Variants in MRPL43 observed in about 807,000 individuals in gnomAD.
MRPL43 encodes the protein mitochondrial ribosomal protein L43, also known as large ribosomal subunit protein mL43.
In MRPL43, 9 loss-of-function variants were observed where a neutral mutation model predicts 12.7. The ratio of observed to expected loss-of-function variants is 0.71; its 90% CI spans 0.43 to 1.24. The LOEUF (loss-of-function observed/expected upper bound fraction) is 1.24. Ranked by LOEUF, MRPL43 falls within the 50% of genes most tolerant of loss-of-function variation. MRPL43 has a pLI of 0.00. For missense variants in MRPL43, 211 were observed against 229.2 expected, an observed-to-expected ratio of 0.92 and a Z score of 0.51; for synonymous variants, 116 against 96.4, an observed-to-expected ratio of 1.20 and a Z score of -1.19.
At chr10:100,978,133 G>T, downstream of MRPL43, 1 of 609,574 alleles carries the variant, frequency 1.6e-6, no homozygotes. Context: ...GAGGCCATAA[G>T]GTCATTCTCA....
At chr10:100,981,474 T>C, downstream of MRPL43, 1 of 1,614,176 alleles carries the variant, frequency 6.2e-7, no homozygotes, top group South Asian at 1.1e-5. Flanking sequence ...TATAGCCAAG[T>C]AGTGGATGAC....
chr10:100,984,313 C>G, downstream of MRPL43: 1 of 1,440,248 alleles, frequency 6.9e-7, no homozygotes, highest in Non-Finnish European at 9.1e-7. Flanking sequence ...TCAGTCTCCA[C>G]AGACCCACAT....
chr10:100,985,055 C>T (rs2133914138), downstream of MRPL43: 1 of 764,900 alleles, frequency 1.3e-6, no homozygotes, highest in East Asian at 2.8e-5. Context: ...AGGGAGATCC[C>T]CCTCCCATTT....
At chr10:100,981,013 G>A (rs747182765), downstream of MRPL43, 9 of 1,593,148 alleles carry the variant, frequency 5.6e-6, no homozygotes, top group South Asian at 9.1e-5. Flanking sequence ...AAGTGGTGGG[G>A]GGTGACAGTC....
chr10:100,983,417 G>C, downstream of MRPL43: 1 of 1,613,148 alleles, frequency 6.2e-7, no homozygotes, highest in Non-Finnish European at 8.5e-7. Flanking sequence ...ATGGGAGCAT[G>C]GGCCTGAGCG....
downstream of MRPL43, chr10:100,980,429 G>C (rs1564797081): frequency 7.0e-7 from 1 of 1,432,802 alleles, no homozygotes; most frequent in Non-Finnish European, 9.8e-7. Context: ...GACTAGTCTG[G>C]AGTTCCCAGT....
At chr10:100,983,730 C>T (rs542184127), downstream of MRPL43, 43 of 1,613,374 alleles carry the variant, frequency 2.7e-5, no homozygotes, top group Non-Finnish European at 3.3e-5. Context: ...GGAAGGCAGA[C>T]GAGGGCGCCG....
At chr10:100,983,939 T>C (rs2133906812), downstream of MRPL43, 1 of 1,333,798 alleles carries the variant, frequency 7.5e-7, no homozygotes, top group Non-Finnish European at 9.9e-7. Flanking sequence ...CGCCACCGGC[T>C]GAGCTGACCA....
Position 100,987,303 on chromosome 10 carries a change from C to G in MRPL43, c.131+10G>C, listed in dbSNP as rs771784901. 43 of 1,612,064 alleles carry G rather than the reference C, an allele frequency of 2.7e-5. No homozygotes were observed. Among genetic ancestry groups the G allele is most frequent in the Non-Finnish European group, 3.6e-5 (43 of 1,179,846 alleles). ...CCCCGACCCGCGCCTGCGCACTTCCCTTGGCTCACCTGGCGCCGCGAGACG... is the reference window on the plus strand; with the variant it reads ...CCCCGACCCGCGCCTGCGCACTTCCGTTGGCTCACCTGGCGCCGCGAGACG... On this transcript the variant is annotated intron_variant, in intron 1 of 2. Coordinates refer to ENST00000318364, the MANE Select transcript of MRPL43 (RefSeq NM_032112.3).
chr10:100,978,992 G>A (rs1389345205), downstream of MRPL43: 1 of 1,614,178 alleles, frequency 6.2e-7, no homozygotes, highest in Non-Finnish European at 8.5e-7. Flanking sequence ...CAGTCACCGT[G>A]TGGCCCGTGT....
At chr10:100,978,946 T>C (rs754499823), downstream of MRPL43, 22 of 1,614,052 alleles carry the variant, frequency 1.4e-5, no homozygotes, top group Admixed American at 3.7e-4. Context: ...AGCGTGCCAC[T>C]GAGGAGGGCT....
chr10:100,987,435 C>G lies in MRPL43; in HGVS notation c.9G>C (p.Ala3=). The change falls in exon 1 of 3, where the codon GCG becomes GCC. Residue 3 remains alanine (A), a synonymous_variant. Transcript: ENST00000318364. The part of the protein sequence containing the change: MT[A]RGTPSRFLAS... ...CCAAGAAGCGGCTCGGAGTCCCGCGCGCCGTCATAGCTACAGCTTGGAGGC... is the reference window on the plus strand; with the variant it reads ...CCAAGAAGCGGCTCGGAGTCCCGCGGGCCGTCATAGCTACAGCTTGGAGGC... The G allele has an allele frequency of 6.2e-7, 1 of 1,612,160 alleles. No homozygotes were observed.
At chr10:100,979,793 G>T (rs1030308587), downstream of MRPL43, 3 of 1,598,978 alleles carry the variant, frequency 1.9e-6, no homozygotes, top group African/African-American at 2.7e-5. Flanking sequence ...GCACGAGTTG[G>T]GGGGCAGGCT....
chr10:100,978,388 G>T, downstream of MRPL43: 2 of 1,612,302 alleles, frequency 1.2e-6, no homozygotes, highest in South Asian at 1.1e-5. Context: ...CCTCATCATT[G>T]GTGAGCAGGC....
downstream of MRPL43, chr10:100,984,704 T>C (rs1348931588): frequency 2.0e-6 from 3 of 1,536,184 alleles, no homozygotes; most frequent in East Asian, 7.3e-5. Context: ...CTTCTGGACT[T>C]GGGGTACCCT....
chr10:100,978,111 A>G (rs1006052418), downstream of MRPL43: 1 of 595,592 alleles, frequency 1.7e-6, no homozygotes, highest in Admixed American at 3.0e-5. Flanking sequence ...AACTCCAAAC[A>G]TACATTGTTT....
At chr10:100,979,876 C>T (rs369063086), downstream of MRPL43, 29 of 1,613,856 alleles carry the variant, frequency 1.8e-5, no homozygotes, top group Admixed American at 1.0e-4. Context: ...AGCCATCTGC[C>T]GCTATGACCT....
downstream of MRPL43, chr10:100,979,811 A>T (rs367699832): frequency 1.4e-5 from 23 of 1,608,832 alleles, no homozygotes; most frequent in Non-Finnish European, 1.9e-5. Context: ...GCTTGACTCC[A>T]TGTAACTCAC....
At chr10:100,979,115 G>A (rs2133877813), downstream of MRPL43, 1 of 1,614,120 alleles carries the variant, frequency 6.2e-7, no homozygotes, top group East Asian at 2.2e-5. Flanking sequence ...GACCTGGGAG[G>A]GAAGAAGATC....
Sources: allele counts gnomAD v4.1 joint callset, GRCh38; gene constraint gnomAD v4.1.1; transcripts MANE v1.5; gene names NCBI Gene and HGNC (gene_info 2026-07-23, HGNC 2026-07-21).